Variants in CPA6 observed in about 807,000 individuals in gnomAD.
The protein encoded by CPA6 is carboxypeptidase A6.
CPA6 carries 58 observed loss-of-function variants against 63.3 expected under a neutral mutation model. The observed-to-expected ratio is 0.92, with a 90% CI of 0.74 to 1.14. The LOEUF (loss-of-function observed/expected upper bound fraction) is 1.14. CPA6 is among the 50% of genes most tolerant of loss of function. The pLI is 0.00. For missense variants in CPA6, 565 were observed against 526.6 expected, an observed-to-expected ratio of 1.07 and a Z score of -0.71; for synonymous variants, 185 against 179.0, an observed-to-expected ratio of 1.03 and a Z score of -0.27.
At chr8:67,621,833 TC>T (rs910939177) in intron 2 of CPA6, among the ~76,000 whole-genome samples, 1 of 151,988 alleles carries the variant, frequency 6.6e-6, no homozygotes, top group African/African-American at 2.4e-5. Flanking sequence ...CCCCATTTCC[TC>T]CCCCAGGTGG....
intron 8 of CPA6, among the ~76,000 whole-genome samples, chr8:67,447,352 C>T (rs1235526020): frequency 6.6e-6 from 1 of 152,004 alleles, no homozygotes; most frequent in Non-Finnish European, 1.5e-5. Flanking sequence ...TGAAACAATA[C>T]TACAATAAAG....
intron 8 of CPA6, among the ~76,000 whole-genome samples, chr8:67,467,387 A>G (rs1053541780): frequency 6.6e-6 from 1 of 152,064 alleles, no homozygotes; most frequent in Admixed American, 6.6e-5. Flanking sequence ...CTCCATTCCC[A>G]CAAGCACCTC....
chr8:67,504,561 A>T (rs1376578474), intron 6 of CPA6, among the ~76,000 whole-genome samples: 1 of 152,124 alleles, frequency 6.6e-6, no homozygotes, highest in Non-Finnish European at 1.5e-5. Flanking sequence ...TTATGTGGCA[A>T]GGAGTTGATA....
chr8:67,706,550 A>G (rs1817139972), intron 1 of CPA6, among the ~76,000 whole-genome samples: 1 of 152,214 alleles, frequency 6.6e-6, no homozygotes, highest in Admixed American at 6.5e-5. Context: ...AAGTTAGGGT[A>G]AAGCTAAAGA....
chr8:67,607,968 C>T (rs913519071), intron 2 of CPA6, among the ~76,000 whole-genome samples: 1 of 147,088 alleles, frequency 6.8e-6, no homozygotes, highest in Non-Finnish European at 1.5e-5. Flanking sequence ...TGTGAGTGGG[C>T]AGCTTTCCTC....
chr8:67,483,556 A>T, intron 8 of CPA6: 1 of 576,384 alleles, frequency 1.7e-6, no homozygotes, highest in South Asian at 2.2e-5. Context: ...GAATTGACAT[A>T]TTTAAAATCC....
intron 8 of CPA6, among the ~76,000 whole-genome samples, chr8:67,446,400 C>T (rs982378726): frequency 6.6e-6 from 1 of 151,684 alleles, no homozygotes; most frequent in South Asian, 2.1e-4. Context: ...ACTGGGGTTA[C>T]AGGTATGAGT....
At position 67,434,166 on chromosome 8, in the gene CPA6, C is replaced by T. The variant is rs760988775; in HGVS notation, c.913G>A (p.Ala305Thr). The change falls in exon 9 of 11, where the codon GCT becomes ACT. Residue 305 changes from alanine (A) to threonine (T), a missense_variant. Ala to Thr is a moderately conservative substitution (Grantham distance 58). Coordinates refer to ENST00000297770, the MANE Select transcript of CPA6 (RefSeq NM_020361.5). ...PFPESEPEVK[A>T]VANFLRKHRK... is the part of the protein sequence containing the mutation. ...TGTTTTCGAAGGAAGTTAGCTACAG[C>T]CTTCACTTCCGGCTCAGATTCTGGA... 32 of 1,613,998 alleles carry T rather than the reference C, an allele frequency of 2.0e-5. No homozygotes were observed. The highest frequency in any genetic ancestry group is 2.6e-5 in the Non-Finnish European group (31 of 1,180,026).
chr8:67,529,022 A>T (rs1043650587), intron 2 of CPA6, among the ~76,000 whole-genome samples: 1 of 151,502 alleles, frequency 6.6e-6, no homozygotes, highest in Admixed American at 6.6e-5. Context: ...CACCTTACAT[A>T]AGTCCAGATT....
chr8:67,689,124 G>A (rs749962486), intron 1 of CPA6, among the ~76,000 whole-genome samples: 64 of 151,948 alleles, frequency 4.2e-4, no homozygotes, highest in African/African-American at 1.1e-3. Context: ...GTAGCATTTC[G>A]TAATTCAGTC....
At chr8:67,630,362 C>G (rs1458301075) in intron 1 of CPA6, among the ~76,000 whole-genome samples, 1 of 152,024 alleles carries the variant, frequency 6.6e-6, no homozygotes, top group Non-Finnish European at 1.5e-5. Flanking sequence ...TGGGGGGAAA[C>G]TGAGTACCTA....
At chr8:67,508,604 C>T (rs1049130039) in intron 5 of CPA6, among the ~76,000 whole-genome samples, 3 of 152,094 alleles carry the variant, frequency 2.0e-5, no homozygotes, top group Non-Finnish European at 4.4e-5. Flanking sequence ...GAGTGAGACC[C>T]AGATGGTCAG....
chr8:67,666,745 C>T (rs929309547), intron 1 of CPA6, among the ~76,000 whole-genome samples: 1 of 152,016 alleles, frequency 6.6e-6, no homozygotes, highest in Non-Finnish European at 1.5e-5. Context: ...CTGAAGAATG[C>T]AGCTCTCTTC....
chr8:67,699,155 C>T lies in CPA6; in HGVS notation c.116+46859G>A, dbSNP rs148311585. Among the ~76,000 whole-genome samples, 304 of 152,264 alleles carry T rather than the reference C, an allele frequency of 2.0e-3. 3 individuals are homozygous for T. The highest frequency in any genetic ancestry group is 0.012 in the South Asian group (56 of 4,818). ...GTTACAGGCCAGGTTTAGTGGCTCA[C>T]GCCTATAATCCCAGCACCTTGGGAG... On this transcript the variant is annotated intron_variant, in intron 1 of 10. Transcript: ENST00000297770.
chr8:67,661,288 C>T (rs1816102516), intron 1 of CPA6, among the ~76,000 whole-genome samples: 2 of 152,090 alleles, frequency 1.3e-5, no homozygotes, highest in South Asian at 4.1e-4. Flanking sequence ...CGTGGGAACG[C>T]AGCTGGTGAT....
intron 8 of CPA6, among the ~76,000 whole-genome samples, chr8:67,455,549 G>T (rs1810652528): frequency 6.6e-6 from 1 of 150,770 alleles, no homozygotes; most frequent in Non-Finnish European, 1.5e-5. Context: ...TCAATAGGGT[G>T]TGTAGCATAG....
intron 2 of CPA6, among the ~76,000 whole-genome samples, chr8:67,623,706 C>A (rs1587645357): frequency 6.6e-6 from 1 of 152,108 alleles, no homozygotes; most frequent in African/African-American, 2.4e-5. Flanking sequence ...AGTGCTGAGA[C>A]TACAGGCATG....
At chr8:67,618,726 C>T (rs75473401) in intron 2 of CPA6, among the ~76,000 whole-genome samples, 1,889 of 152,192 alleles carry the variant, frequency 0.012, 15 homozygotes, top group East Asian at 0.034. Context: ...GTTCTTTCTA[C>T]GAGAGTGTGT....
At chr8:67,555,976 T>C (rs1301400198) in intron 2 of CPA6, among the ~76,000 whole-genome samples, 2 of 152,152 alleles carry the variant, frequency 1.3e-5, no homozygotes, top group African/African-American at 4.8e-5. Flanking sequence ...CCTGAAGCAG[T>C]GTGTAGTTCC....
Sources: gnomAD v4.1 joint callset for allele counts (sites outside exome capture counted in the v4.1 genomes callset) on GRCh38, gnomAD v4.1.1 for gene constraint, MANE v1.5 for transcripts, NCBI Gene and HGNC (gene_info 2026-07-23, HGNC 2026-07-21) for gene names.